The following CSMD3 variants were observed in gnomAD, a reference collection of about 807,000 sequenced individuals.
CSMD3 encodes CUB and Sushi multiple domains 3, also known as CUB and sushi domain-containing protein 3.
In CSMD3, 177 loss-of-function variants were observed where a neutral mutation model predicts 435.2. The observed-to-expected ratio is 0.41, with a 90% CI of 0.36 to 0.46. The LOEUF (loss-of-function observed/expected upper bound fraction) is 0.46. Among genes scored for constraint, CSMD3 ranks in the 20% least tolerant of loss-of-function variants. CSMD3 has a pLI of 0.34. For synonymous variants in CSMD3, 1,656 were observed against 1,520.5 expected (o/e 1.09, Z -2.07); for missense variants, 4,265 against 4,504.6 (o/e 0.95, Z 1.52).
chr8:112,258,863 C>A (rs1475008773), intron 61 of CSMD3, among the ~76,000 whole-genome samples: 1 of 152,020 alleles, frequency 6.6e-6, no homozygotes, highest in Non-Finnish European at 1.5e-5. Flanking sequence ...CACGGTGAAA[C>A]CCCATCTCTA....
At chr8:113,410,409 T>C (rs1032201364) in intron 1 of CSMD3, among the ~76,000 whole-genome samples, 3 of 152,130 alleles carry the variant, frequency 2.0e-5, no homozygotes, top group Admixed American at 2.0e-4. Flanking sequence ...AATCCAATAA[T>C]CTTTTCTAAG....
chr8:113,099,021 G>T (rs2030506), intron 4 of CSMD3, 58 bp from the exon 5 acceptor site: 672,726 of 1,123,700 alleles, frequency 0.6, 209,963 homozygotes, highest in East Asian at 0.95. Context: ...CAATTGTTCA[G>T]TTGTAAGTAA....
intron 13 of CSMD3, among the ~76,000 whole-genome samples, chr8:112,692,688 T>C (rs1335010515): frequency 6.6e-6 from 1 of 152,170 alleles, no homozygotes; most frequent in Non-Finnish European, 1.5e-5. Context: ...CAGTTGATTG[T>C]CTTATACACT....
intron 10 of CSMD3, among the ~76,000 whole-genome samples, chr8:112,884,442 C>T (rs951168713): frequency 6.6e-6 from 1 of 151,704 alleles, no homozygotes; most frequent in Non-Finnish European, 1.5e-5. Context: ...GGCCTCCACA[C>T]TACTGACATT....
At chr8:113,148,647 T>G (rs2091733933) in intron 4 of CSMD3, among the ~76,000 whole-genome samples, 1 of 151,718 alleles carries the variant, frequency 6.6e-6, no homozygotes, top group East Asian at 1.9e-4. Flanking sequence ...ACCCTGATAC[T>G]ATCAACTTGG....
intron 66 of CSMD3, among the ~76,000 whole-genome samples, chr8:112,241,515 G>A (rs935050953): frequency 5.3e-5 from 8 of 151,812 alleles, no homozygotes; most frequent in South Asian, 2.1e-4. Context: ...TTTAGCAGAC[G>A]GAACTATGAA....
intron 10 of CSMD3, among the ~76,000 whole-genome samples, chr8:112,863,880 T>A (rs1326153032): frequency 2.0e-5 from 3 of 150,118 alleles, no homozygotes; most frequent in Non-Finnish European, 4.4e-5. Flanking sequence ...AAAAAAAACC[T>A]TGTAAATAAA....
At chr8:113,340,160 GT>G (rs2094108313) in intron 1 of CSMD3, among the ~76,000 whole-genome samples, 2 of 151,834 alleles carry the variant, frequency 1.3e-5, no homozygotes, top group Non-Finnish European at 2.9e-5. Flanking sequence ...TCAAGTAGGT[GT>G]TTTTATTGCA....
intron 11 of CSMD3, among the ~76,000 whole-genome samples, chr8:112,834,377 C>T (rs231321): frequency 0.25 from 38,389 of 151,214 alleles, 5,320 homozygotes; most frequent in Non-Finnish European, 0.32. Context: ...TTGAAATAGT[C>T]CACAGAAGTA....
chr8:113,313,920 A>G (rs1051759269), intron 2 of CSMD3: 2 of 152,154 alleles, frequency 1.3e-5, no homozygotes, highest in Non-Finnish European at 2.9e-5. Context: ...AAATACTTCT[A>G]ATTTTACATA....
chr8:112,735,248 CA>C (rs1284460200), intron 13 of CSMD3, among the ~76,000 whole-genome samples: 1 of 151,790 alleles, frequency 6.6e-6, no homozygotes, highest in African/African-American at 2.4e-5. Flanking sequence ...TATTGAGAAT[CA>C]AAACATACAA....
chr8:112,912,684 C>T (rs550098889), intron 10 of CSMD3, among the ~76,000 whole-genome samples: 21 of 151,988 alleles, frequency 1.4e-4, no homozygotes, highest in African/African-American at 4.6e-4. Flanking sequence ...ACCCCAAAAG[C>T]ATAGGCAACA....
intron 13 of CSMD3, 39 bp downstream of exon 13, chr8:112,800,123 T>C (rs1587333153): frequency 7.8e-7 from 1 of 1,277,672 alleles, no homozygotes; most frequent in South Asian, 1.2e-5. Flanking sequence ...TCTCTGGTGG[T>C]ATTAAGATAA....
chr8:112,738,251 T>G (rs772422078), intron 13 of CSMD3, among the ~76,000 whole-genome samples: 2 of 151,918 alleles, frequency 1.3e-5, no homozygotes, highest in Admixed American at 6.6e-5. Flanking sequence ...AGTTGAAGTC[T>G]GCATCTCAAA....
At chr8:112,596,866 A>G (rs1001697276) in intron 22 of CSMD3, among the ~76,000 whole-genome samples, 57 of 152,202 alleles carry the variant, frequency 3.7e-4, no homozygotes, top group African/African-American at 1.3e-3. Context: ...CATTCAAAGC[A>G]GTGTGTAGAG....
chr8:112,857,219 T>A (rs1448912480), intron 11 of CSMD3, among the ~76,000 whole-genome samples: 1 of 151,590 alleles, frequency 6.6e-6, no homozygotes, highest in Non-Finnish European at 1.5e-5. Flanking sequence ...ACCTAACAGA[T>A]CAAAATTAAG....
At chr8:112,514,244 A>G (rs530200771) in intron 28 of CSMD3, among the ~76,000 whole-genome samples, 1 of 152,252 alleles carries the variant, frequency 6.6e-6, no homozygotes, top group South Asian at 2.1e-4. Context: ...TTGAAAACCT[A>G]CGAAAGCCAA....
chr8:113,417,090 A>C (rs1194358795), intron 1 of CSMD3, among the ~76,000 whole-genome samples: 1 of 152,066 alleles, frequency 6.6e-6, no homozygotes, highest in Admixed American at 6.6e-5. Context: ...TAGTGAAGAA[A>C]CTTTAGACAG....
intron 5 of CSMD3, among the ~76,000 whole-genome samples, chr8:113,049,719 G>A (rs887761699): frequency 7.9e-5 from 12 of 152,206 alleles, no homozygotes; most frequent in East Asian, 1.9e-4. Flanking sequence ...ATGGTAGCAC[G>A]TATTAAAAAT....
Sources: allele counts gnomAD v4.1 joint callset (sites outside exome capture counted in the v4.1 genomes callset), GRCh38; gene constraint gnomAD v4.1.1; transcripts MANE v1.5; gene names NCBI Gene and HGNC (gene_info 2026-07-23, HGNC 2026-07-21).